TTC21A: variants seen among roughly 807,000 people sequenced by gnomAD.
TTC21A encodes the protein tetratricopeptide repeat domain 21A, also known as tetratricopeptide repeat protein 21A.
A neutral mutation model predicts 156.4 loss-of-function variants in TTC21A; 128 were observed. The observed-to-expected ratio is 0.82, with a 90% CI of 0.71 to 0.95. The LOEUF is 0.95. TTC21A is among the 40% of genes least tolerant of loss of function. TTC21A has a pLI of 0.00. For missense variants in TTC21A, 1,435 were observed against 1,602.3 expected (o/e 0.90, Z 1.78); for synonymous variants, 587 against 617.1 (o/e 0.95, Z 0.72).
chr3:39,110,582 G>T (rs1330598607), intron 3 of TTC21A, among the ~76,000 whole-genome samples: 1 of 152,180 alleles, frequency 6.6e-6, no homozygotes, highest in Non-Finnish European at 1.5e-5. Flanking sequence ...TGGCCTGCCT[G>T]CTCAGCACAC....
At chr3:39,111,317 A>G (rs1282029124) in intron 4 of TTC21A, among the ~76,000 whole-genome samples, 2 of 152,170 alleles carry the variant, frequency 1.3e-5, no homozygotes, top group Non-Finnish European at 2.9e-5. Flanking sequence ...GGCACAAGCA[A>G]TCCTTCCACC....
intron 22 of TTC21A, among the ~76,000 whole-genome samples, chr3:39,135,602 T>C (rs897738039): frequency 6.6e-6 from 1 of 152,202 alleles, no homozygotes; most frequent in Non-Finnish European, 1.5e-5. Context: ...CCCATGGCAG[T>C]GTGCCCATAG....
intron 6 of TTC21A, among the ~76,000 whole-genome samples, chr3:39,116,003 C>T (rs552963100): frequency 4.1e-4 from 62 of 152,388 alleles, no homozygotes; most frequent in African/African-American, 1.4e-3. Context: ...CTCAGCTTCC[C>T]TCTCTCGCAG....
Position 39,130,927 on chromosome 3 carries a change from C to T in TTC21A, c.2459-65C>T. On this transcript the variant is annotated intron_variant, in intron 18 of 28. Coordinates refer to ENST00000683103, the MANE Select transcript of TTC21A (RefSeq NM_001366900.1). This position sits in a 1 kb window ranked among gnomAD's most constrained non-coding sequence, Gnocchi z 4.5. ...ATTAGCTGAAGTCCTGATCCCAGCG[C>T]TCCCCACCAACACAGCTTCCCAGGA... 1 of 1,607,084 alleles carries T rather than the reference C, an allele frequency of 6.2e-7. No individual in the cohort carries two copies.
chr3:39,129,848 T>C (rs1032472809), intron 15 of TTC21A, among the ~76,000 whole-genome samples: 1 of 151,532 alleles, frequency 6.6e-6, no homozygotes, highest in Non-Finnish European at 1.5e-5. Flanking sequence ...GCAGGTAGAG[T>C]GAGAGGAACA....
At chr3:39,118,003 C>T in intron 6 of TTC21A, 66 bp from the exon 7 acceptor site, 1 of 1,190,162 alleles carries the variant, frequency 8.4e-7, no homozygotes. Context: ...TCAGAAGTCG[C>T]CAACACACCA....
rs78314122 is a variant in TTC21A at position 39,117,086 on chromosome 3, G to A, written c.717-983G>A. Among the ~76,000 whole-genome samples the A allele has an allele frequency of 4.0e-3, 611 of 152,228 alleles. 2 individuals carry two copies. Among genetic ancestry groups the A allele is most frequent in the Non-Finnish European group, 5.6e-3 (381 of 68,022 alleles). ...GGAATATAAGCATTGAAGTCTGTGC[G>A]TGTCCCTTGAGGTACCATTTTTGCA... is the stretch of plus-strand genomic sequence containing the variant. On this transcript the variant is annotated intron_variant, in intron 6 of 28. Coordinates refer to ENST00000683103, the MANE Select transcript of TTC21A (RefSeq NM_001366900.1).
rs1242784857 is a variant in TTC21A, at chr3:39,126,349, T to TC, written c.1482dup (p.Asp495ArgfsTer119). On this transcript the variant is annotated frameshift_variant, in exon 12 of 29. Coordinates refer to ENST00000683103, the MANE Select transcript of TTC21A (RefSeq NM_001366900.1). LOFTEE classifies it high-confidence loss of function. ...GTAGTCAAAGCAGCACCAGCTCTGA[T>TC]CGACCCCCTGTATTTGATGGCTCAG... 2 of 1,613,966 alleles carry TC rather than the reference T, an allele frequency of 1.2e-6. No individual in the cohort carries two copies. Among genetic ancestry groups the TC allele is most frequent in the African/African-American group, 2.7e-5 (2 of 74,886 alleles).
rs1228660288 is a variant in TTC21A, at chr3:39,130,006, G to A, written c.2136-73G>A. On this transcript the variant is annotated intron_variant, in intron 15 of 28. Transcript: ENST00000683103. The surrounding 1 kb of genome is among the most constrained non-coding windows in gnomAD (Gnocchi z 4.5). ...GTCAGCCAGAATCAGTGGGAAGGAA[G>A]TGAAGGAGATGATTTCAGGAACATG... is the stretch of plus-strand genomic sequence containing the variant. 7.0e-7 allele frequency: 1 copy of A among 1,425,426 alleles called. No individual in the cohort carries two copies. The highest frequency in any genetic ancestry group is 1.8e-5 in the Admixed American group (1 of 55,058). The allele number at this position is 1,425,426 out of a possible 1,614,324, so 88.3% of individuals were successfully genotyped here. A position where few individuals can be genotyped will look rare whatever the true frequency, so the allele number is the denominator to read the frequency against.
chr3:39,107,690 C>T lies in TTC21A; in HGVS notation c.-148C>T, dbSNP rs2125720701. 1.5e-6 allele frequency: 2 copies of T among 1,311,976 alleles called. No individual in the cohort carries two copies. The highest frequency in any genetic ancestry group is 2.4e-5 in the East Asian group (1 of 41,710). 81.3% of individuals were successfully genotyped at this position (1,311,976 alleles called of 1,614,324 possible). On this transcript the variant is annotated 5_prime_UTR_variant, in exon 1 of 29. In the 5' UTR this introduces an upstream ATG that the reference lacks. Coordinates refer to ENST00000683103, the MANE Select transcript of TTC21A (RefSeq NM_001366900.1). ...TGTTCCTCCCACTCCAGACACTGGACGCTCCTAGCAACCGGCTAGCAGCTC... is the reference window on the plus strand; with the variant it reads ...TGTTCCTCCCACTCCAGACACTGGATGCTCCTAGCAACCGGCTAGCAGCTC...
chr3:39,109,347 C>T (rs934428850), intron 2 of TTC21A, 133 bp downstream of exon 2: 98 of 1,005,946 alleles, frequency 9.7e-5, no homozygotes, highest in South Asian at 3.4e-4. Context: ...CGGCTGGATT[C>T]CCACGGGAAT....
At chr3:39,114,095 A>G (rs2037067090) in intron 5 of TTC21A, among the ~76,000 whole-genome samples, 1 of 152,248 alleles carries the variant, frequency 6.6e-6, no homozygotes, top group African/African-American at 2.4e-5. Flanking sequence ...AGGCCTTGAC[A>G]GAACAACAAC....
At chr3:39,127,116 G>A (rs1306896449) in intron 12 of TTC21A, among the ~76,000 whole-genome samples, 2 of 152,144 alleles carry the variant, frequency 1.3e-5, no homozygotes, top group Non-Finnish European at 2.9e-5. Context: ...CCCAGACCCT[G>A]GAGAGAAAGG....
At chr3:39,127,778 G>T (rs947751777) in intron 12 of TTC21A, among the ~76,000 whole-genome samples, 6 of 152,172 alleles carry the variant, frequency 3.9e-5, no homozygotes, top group Non-Finnish European at 8.8e-5. Context: ...AACCCAATAG[G>T]CCTGGACGTA....
At chr3:39,118,201 G>A (rs768630756) in intron 7 of TTC21A, 48 bp downstream of exon 7, 11 of 1,584,162 alleles carry the variant, frequency 6.9e-6, no homozygotes, top group Non-Finnish European at 9.5e-6. Context: ...CAGAATCAAG[G>A]AGGAACCCTT....
At chr3:39,131,296 T>G (rs2038712900) in intron 19 of TTC21A, among the ~76,000 whole-genome samples, 1 of 152,194 alleles carries the variant, frequency 6.6e-6, no homozygotes, top group African/African-American at 2.4e-5. Flanking sequence ...CTCTGAGCTG[T>G]GGTGGGCTGG....
chr3:39,131,321 A>T (rs2038715786), intron 19 of TTC21A, among the ~76,000 whole-genome samples: 1 of 152,248 alleles, frequency 6.6e-6, no homozygotes, highest in Non-Finnish European at 1.5e-5. Flanking sequence ...GGCAGGAAGT[A>T]AGAGAGTGCC....
intron 23 of TTC21A, 147 bp downstream of exon 23, chr3:39,136,654 G>C (rs757426422): frequency 2.7e-4 from 299 of 1,103,224 alleles, no homozygotes; most frequent in Non-Finnish European, 3.6e-4. Context: ...GGGGGCAGGG[G>C]TGGAACCCTG....
Position 39,110,117 on chromosome 3 carries a change from T to C in TTC21A, c.246T>C (p.Ala82=). 6.2e-7 allele frequency: 1 copy of C among 1,613,922 alleles called. No homozygotes were observed. Among genetic ancestry groups the C allele is most frequent in the South Asian group, 1.1e-5 (1 of 91,066 alleles). Residue 82 remains alanine (A), a synonymous_variant, in exon 3 of 29, where the codon GCT becomes GCC. Transcript: ENST00000683103. ...SLCSTMALIY[A]HKRCEIIDRE... is the part of the protein sequence containing the mutation. ...GCTCCACCATGGCCCTCATTTATGC[T>C]CACAAAAGATGTGAAATCATTGGTG...
Sources: allele counts gnomAD v4.1 joint callset (sites outside exome capture counted in the v4.1 genomes callset), GRCh38; gene constraint gnomAD v4.1.1; non-coding constraint Gnocchi (gnomAD v3.1); transcripts MANE v1.5; gene names NCBI Gene and HGNC (gene_info 2026-07-23, HGNC 2026-07-21).